SAMD12: variants seen among roughly 807,000 people sequenced by gnomAD.
SAMD12 encodes sterile alpha motif domain containing 12.
SAMD12 carries 9 observed loss-of-function variants against 15.0 expected under a neutral mutation model. The observed-to-expected ratio is 0.60, with a 90% confidence interval of 0.36 to 1.05. SAMD12 has a LOEUF of 1.05. Ranked by LOEUF, SAMD12 falls within the 50% of genes least tolerant of loss-of-function variation. The probability of loss-of-function intolerance (pLI) is 0.01; values close to 1 mark genes in which losing one functional copy is unlikely to be tolerated. For missense variants in SAMD12, 230 were observed against 234.2 expected (o/e 0.98, Z 0.12); for synonymous variants, 86 against 90.1 (o/e 0.96, Z 0.25).
At position 118,329,179 on chromosome 8, in the gene SAMD12, TG is replaced by T. The variant is rs368355681; in HGVS notation, c.433+50380del. On this transcript the variant is annotated intron_variant, in intron 4 of 4. Transcript: ENST00000409003. ...GCAACATAGATGAGTGGAAGGAACA[TG>T]GTACTCTGCAGAAACCCCTTCCCTA... 2.7e-3 allele frequency among the ~76,000 whole-genome samples: 414 copies of T among 152,184 alleles called. 1 individual carries two copies. Among genetic ancestry groups the T allele is most frequent in the African/African-American group, 9.6e-3 (397 of 41,528 alleles).
At chr8:118,399,099 GT>G (rs1382274498) in intron 3 of SAMD12, among the ~76,000 whole-genome samples, 1 of 152,004 alleles carries the variant, frequency 6.6e-6, no homozygotes, top group African/African-American at 2.4e-5. Flanking sequence ...GTCCAGGCTG[GT>G]CTCAAACTCC....
intron 4 of SAMD12, among the ~76,000 whole-genome samples, chr8:118,233,580 A>C (rs968577855): frequency 3.3e-5 from 5 of 152,150 alleles, no homozygotes; most frequent in Non-Finnish European, 7.4e-5. Flanking sequence ...CAGGTAGATT[A>C]TATAAAATAA....
the SAMD12 span, among the ~76,000 whole-genome samples, chr8:118,135,285 A>C: frequency 3.9e-5 from 6 of 151,904 alleles, no homozygotes; most frequent in African/African-American, 1.5e-4. Context: ...GGTTTCAAGC[A>C]TTTCTCCTGC....
intron 4 of SAMD12, among the ~76,000 whole-genome samples, chr8:118,363,380 A>C (rs1207037966): frequency 6.6e-6 from 1 of 152,218 alleles, no homozygotes; most frequent in Non-Finnish European, 1.5e-5. Flanking sequence ...GTCTTCATCC[A>C]ATCAGTTAAA....
chr8:118,408,686 C>T (rs1295675150), intron 3 of SAMD12, among the ~76,000 whole-genome samples: 2 of 152,088 alleles, frequency 1.3e-5, no homozygotes, highest in African/African-American at 4.8e-5. Flanking sequence ...CTCAGTTAAC[C>T]ATCAAGAATT....
At chr8:118,581,745 C>T (rs778146953) in intron 1 of SAMD12, among the ~76,000 whole-genome samples, 5 of 152,152 alleles carry the variant, frequency 3.3e-5, no homozygotes, top group Non-Finnish European at 5.9e-5. Flanking sequence ...ACTACATAAA[C>T]CACCATGTAT....
At chr8:118,611,220 T>C (rs1292224522) in intron 1 of SAMD12, among the ~76,000 whole-genome samples, 1 of 152,116 alleles carries the variant, frequency 6.6e-6, no homozygotes, top group Admixed American at 6.5e-5. Context: ...CACATATACT[T>C]CCCTAGATGA....
At position 118,362,117 on chromosome 8, in the gene SAMD12, G is replaced by T. The variant is rs191786056; in HGVS notation, c.433+17443C>A. 6.4e-3 allele frequency among the ~76,000 whole-genome samples: 970 copies of T among 151,710 alleles called. 8 individuals are homozygous for T. Among genetic ancestry groups the T allele is most frequent in the Non-Finnish European group, 7.6e-3 (516 of 67,934 alleles). ...GGGGTGGGGAGTGGGATGAAGGGAGGGACAGTGAAGAGAATTGAAAAGAAA... is the reference window on the plus strand; with the variant it reads ...GGGGTGGGGAGTGGGATGAAGGGAGTGACAGTGAAGAGAATTGAAAAGAAA... On this transcript the variant is annotated intron_variant, in intron 4 of 4. Coordinates refer to the SAMD12 transcript ENST00000409003.
At chr8:118,603,524 T>G (rs1308212831) in intron 1 of SAMD12, among the ~76,000 whole-genome samples, 1 of 152,208 alleles carries the variant, frequency 6.6e-6, no homozygotes, top group Admixed American at 6.5e-5. Context: ...TTAAAGCCAG[T>G]CAACTTACAA....
At chr8:118,358,147 GAAAAC>G (rs922550095) in intron 4 of SAMD12, among the ~76,000 whole-genome samples, 2 of 144,978 alleles carry the variant, frequency 1.4e-5, no homozygotes, top group Admixed American at 1.4e-4. Flanking sequence ...CCTGTCTTCT[GAAAAC>G]AAAACAAAAC....
At chr8:118,198,852 G>A (rs1052657369) in intron 4 of SAMD12, among the ~76,000 whole-genome samples, 1 of 152,026 alleles carries the variant, frequency 6.6e-6, no homozygotes, top group African/African-American at 2.4e-5. Context: ...ATGCCTAAAT[G>A]TAGTAATTCC....
In SAMD12 at chr8:118,575,475, T is replaced by C. The variant is rs563023833; in HGVS notation, c.192+5240A>G. Among the ~76,000 whole-genome samples the C allele has an allele frequency of 1.1e-4, 16 of 152,294 alleles. No individual in the cohort carries two copies. In the South Asian group the frequency reaches 3.1e-3, roughly 30 times the overall value. ...CAAATAAATAGATCATTTGTATATTTCATGTTAGGAGCATAAAAAACCTTG... is the reference window on the plus strand; with the variant it reads ...CAAATAAATAGATCATTTGTATATTCCATGTTAGGAGCATAAAAAACCTTG... On this transcript the variant is annotated intron_variant, in intron 2 of 3. Coordinates refer to ENST00000314727, the MANE Select transcript of SAMD12 (RefSeq NM_207506.3).
At chr8:118,567,227 A>G (rs1826877204) in intron 2 of SAMD12, among the ~76,000 whole-genome samples, 1 of 152,152 alleles carries the variant, frequency 6.6e-6, no homozygotes, top group Non-Finnish European at 1.5e-5. Context: ...GTGGCAGAGC[A>G]GATATCAGAC....
chr8:118,406,826 G>A (rs1454968255), intron 3 of SAMD12, among the ~76,000 whole-genome samples: 4 of 151,618 alleles, frequency 2.6e-5, no homozygotes, highest in Admixed American at 6.6e-5. Context: ...TAATGTCCTC[G>A]AGGTTCACCC....
chr8:118,509,503 C>G (rs1308555692), intron 2 of SAMD12, among the ~76,000 whole-genome samples: 2 of 152,086 alleles, frequency 1.3e-5, no homozygotes, highest in Admixed American at 6.6e-5. Context: ...ACTCTGTGGG[C>G]AGGAATGAAC....
intron 4 of SAMD12, among the ~76,000 whole-genome samples, chr8:118,276,175 C>T (rs73709241): frequency 6.6e-6 from 1 of 152,154 alleles, no homozygotes. Flanking sequence ...AACCTTCTTC[C>T]TTGCATTGTT....
intron 1 of SAMD12, among the ~76,000 whole-genome samples, chr8:118,588,457 A>G (rs749761754): frequency 5.9e-5 from 9 of 152,186 alleles, no homozygotes; most frequent in Non-Finnish European, 1.2e-4. Context: ...TTTTAAAGTG[A>G]TTGGAAAAAA....
the SAMD12 span, among the ~76,000 whole-genome samples, chr8:118,176,072 C>T: frequency 1.8e-4 from 27 of 152,274 alleles, no homozygotes; most frequent in African/African-American, 5.1e-4. Flanking sequence ...GAGGCCAAAG[C>T]GGGTGGATCA....
intron 4 of SAMD12, among the ~76,000 whole-genome samples, chr8:118,241,670 G>A (rs1812570074): frequency 1.3e-5 from 2 of 152,180 alleles, no homozygotes; most frequent in South Asian, 2.1e-4. Flanking sequence ...GGCAGGTCAC[G>A]ACATCTAAGT....
Sources: gnomAD v4.1 joint callset for allele counts (sites outside exome capture counted in the v4.1 genomes callset) on GRCh38, gnomAD v4.1.1 for gene constraint, MANE v1.5 for transcripts, NCBI Gene and HGNC (gene_info 2026-07-23, HGNC 2026-07-21) for gene names.